Variants in PCDH15 observed in about 807,000 individuals in gnomAD.
PCDH15 encodes the protein protocadherin-15.
PCDH15 carries 129 observed loss-of-function variants against 178.5 expected under a neutral mutation model. That is an observed-to-expected ratio of 0.72 (90% CI 0.63 to 0.84). The LOEUF (loss-of-function observed/expected upper bound fraction) is 0.84. Among genes scored for constraint, PCDH15 ranks in the 40% least tolerant of loss-of-function variants. The pLI, the probability that PCDH15 is intolerant of heterozygous loss-of-function variation, is 0.00. For missense variants in PCDH15, 2,230 were observed against 2,099.9 expected (o/e 1.06, Z -1.21); for synonymous variants, 800 against 732.0 (o/e 1.09, Z -1.50).
chr10:54,535,580 G>A (rs2084405182), intron 2 of PCDH15, among the ~76,000 whole-genome samples: 1 of 151,626 alleles, frequency 6.6e-6, no homozygotes, highest in Non-Finnish European at 1.5e-5. Context: ...CGTGGTGGCG[G>A]GCGCCTGTAG....
rs377760624 is a variant in PCDH15 at position 54,870,585 on chromosome 10, C to G, written c.-29+26865G>C. Among the ~76,000 whole-genome samples, 1,346 of 151,906 alleles carry G rather than the reference C, an allele frequency of 8.9e-3. 16 individuals carry two copies. The highest frequency in any genetic ancestry group is 0.03 in the African/African-American group (1,255 of 41,460). On this transcript the variant is annotated intron_variant, in intron 3 of 5. Transcript: ENST00000458638. ...CGGATCACGAGGTCAGGAGATCGAG[C>G]CCATCCTGGCTAACACGGTGAAAAC...
chr10:55,548,371 T>G (rs1841937057), intron 2 of PCDH15, among the ~76,000 whole-genome samples: 1 of 152,034 alleles, frequency 6.6e-6, no homozygotes, highest in South Asian at 2.1e-4. Flanking sequence ...AGAGGTCACC[T>G]GAGGGTATAC....
chr10:55,337,986 A>C (rs1844442545), intron 2 of PCDH15, among the ~76,000 whole-genome samples: 1 of 152,198 alleles, frequency 6.6e-6, no homozygotes, highest in Admixed American at 6.5e-5. Context: ...CTAATTAAAA[A>C]ATAGCAAAAG....
At chr10:53,869,256 A>T (rs1177402148) in intron 26 of PCDH15, among the ~76,000 whole-genome samples, 1 of 152,216 alleles carries the variant, frequency 6.6e-6, no homozygotes, top group Non-Finnish European at 1.5e-5. Context: ...ACTTAAAGGA[A>T]AAAGAAAATG....
At chr10:55,047,700 T>C (rs913418412) in intron 2 of PCDH15, among the ~76,000 whole-genome samples, 6 of 151,738 alleles carry the variant, frequency 4.0e-5, no homozygotes, top group African/African-American at 1.4e-4. Flanking sequence ...GTAGGTCACA[T>C]TTTTAGCATA....
At chr10:53,821,807 G>A (rs777431021) in intron 32 of PCDH15, 35 of 1,606,150 alleles carry the variant, frequency 2.2e-5, no homozygotes, top group Non-Finnish European at 5.1e-6. Flanking sequence ...TGTTCAACTT[G>A]AAGACTATGA....
At chr10:55,572,663 G>A (rs941154123) in intron 2 of PCDH15, among the ~76,000 whole-genome samples, 9 of 152,086 alleles carry the variant, frequency 5.9e-5, no homozygotes, top group South Asian at 2.1e-4. Context: ...TATAAATCAC[G>A]TAAGGAAGGA....
intron 1 of PCDH15, among the ~76,000 whole-genome samples, chr10:55,236,202 A>T (rs990258464): frequency 2.6e-5 from 4 of 152,016 alleles, no homozygotes; most frequent in African/African-American, 9.7e-5. Context: ...GTCTTGTTGC[A>T]TATTAGATAC....
intron 9 of PCDH15, among the ~76,000 whole-genome samples, chr10:54,233,746 G>T (rs2054317743): frequency 6.6e-6 from 1 of 152,206 alleles, no homozygotes; most frequent in Admixed American, 6.5e-5. Context: ...AGTGCTTCCT[G>T]AGTATATATA....
At chr10:54,841,141 A>G (rs890468907) in intron 3 of PCDH15, among the ~76,000 whole-genome samples, 5 of 151,824 alleles carry the variant, frequency 3.3e-5, no homozygotes, top group Admixed American at 6.6e-5. Flanking sequence ...TACATGAAAC[A>G]TTCTTCAGGG....
intron 2 of PCDH15, among the ~76,000 whole-genome samples, chr10:55,530,736 G>A (rs1841434019): frequency 2.0e-5 from 3 of 151,498 alleles, no homozygotes. Context: ...ATGTCTTTGT[G>A]GCCTATCTCT....
At chr10:55,501,972 T>A (rs1840666600) in intron 2 of PCDH15, among the ~76,000 whole-genome samples, 1 of 151,788 alleles carries the variant, frequency 6.6e-6, no homozygotes, top group African/African-American at 2.4e-5. Flanking sequence ...TAAAAATGTT[T>A]TTTTTCTTAT....
chr10:55,122,892 G>T (rs945723042), intron 2 of PCDH15, among the ~76,000 whole-genome samples: 4 of 151,794 alleles, frequency 2.6e-5, no homozygotes, highest in Non-Finnish European at 4.4e-5. Flanking sequence ...TACACAGAAA[G>T]GAACATAAAG....
chr10:54,294,082 T>C lies in PCDH15; in HGVS notation c.876+23189A>G, dbSNP rs536954793. The stretch of plus-strand genomic sequence containing the variant: ...TGGAACCAACCCAAATGTCCAACAA[T>C]GATAGACTGGATAAAGAAAATATGG... On this transcript the variant is annotated intron_variant, in intron 8 of 37. Transcript: ENST00000644397. Among the ~76,000 whole-genome samples the C allele has an allele frequency of 2.0e-5, 3 of 152,188 alleles. No individual in the cohort carries two copies. In the South Asian group the frequency reaches 6.2e-4, roughly 32 times the overall value.
rs763978654 is a variant in PCDH15, at chr10:53,866,703, T to C, written c.3656A>G (p.Lys1219Arg). Residue 1219 changes from lysine to arginine, a missense_variant, in exon 27 of 38, where the codon AAG becomes AGG. Lys to Arg is a conservative substitution (Grantham distance 26). Transcript: ENST00000644397. ...LFHNMRRSYF[K>R]FQVIATDDYG... ...GTCGTCAGTTGCAATAACTTGAAAC[T>C]TGAAGTAGGATCTCCTCATATTATG... The C allele has an allele frequency of 1.2e-5, 19 of 1,613,522 alleles. No individual in the cohort carries two copies. In the Admixed American group the frequency reaches 3.0e-4, roughly 25 times the overall value.
intron 1 of PCDH15, among the ~76,000 whole-genome samples, chr10:55,311,946 C>T (rs1270993070): frequency 1.3e-5 from 2 of 152,056 alleles, no homozygotes; most frequent in Admixed American, 6.5e-5. Context: ...GATGATAAAG[C>T]GATGAATCAT....
intron 2 of PCDH15, chr10:54,600,817 T>C (rs754801164): frequency 5.3e-6 from 2 of 375,568 alleles, no homozygotes; most frequent in Non-Finnish European, 1.0e-5. Flanking sequence ...ATGAGGAGAC[T>C]GCATGCAAGC....
At chr10:55,013,077 A>G (rs1325238293) in intron 2 of PCDH15, among the ~76,000 whole-genome samples, 1 of 152,156 alleles carries the variant, frequency 6.6e-6, no homozygotes, top group Non-Finnish European at 1.5e-5. Context: ...CCAAGCTGAA[A>G]CATAGGAATC....
rs192126298 is a variant in PCDH15, at chr10:55,122,622, C to T, written c.-80+43954G>A. On this transcript the variant is annotated intron_variant, in intron 2 of 5. Coordinates refer to the PCDH15 transcript ENST00000458638. ...TTATCATCGACTGGAATGCTGAAAT[C>T]ACAAAAGTCAATGATAGAAAACATA... Among the ~76,000 whole-genome samples, 498 of 152,104 alleles carry T rather than the reference C, an allele frequency of 3.3e-3. 1 individual carries two copies. The highest frequency in any genetic ancestry group is 0.013 in the South Asian group (64 of 4,830).
Sources: allele counts gnomAD v4.1 joint callset (sites outside exome capture counted in the v4.1 genomes callset), GRCh38; gene constraint gnomAD v4.1.1; transcripts MANE v1.5; gene names NCBI Gene and HGNC (gene_info 2026-07-23, HGNC 2026-07-21).